OPCML: variants seen among roughly 807,000 people sequenced by gnomAD.
OPCML encodes the protein opioid binding protein/cell adhesion molecule like, also known as opioid-binding protein/cell adhesion molecule.
Under a neutral mutation model 37.8 loss-of-function variants are expected in OPCML, and 13 were observed. The ratio of observed to expected loss-of-function variants is 0.34; its 90% CI spans 0.22 to 0.55. OPCML has a LOEUF of 0.55. Ranked by LOEUF, OPCML falls within the 20% of genes least tolerant of loss-of-function variation. The pLI, the probability that OPCML is intolerant of heterozygous loss-of-function variation, is 0.91. For synonymous variants in OPCML, 176 were observed against 168.8 expected (o/e 1.04, Z -0.33); for missense variants, 341 against 435.6 (o/e 0.78, Z 1.93).
At chr11:133,136,828 CGTGTGTGTGTGTGTGTGTGTGTGTGTGT>C (rs141952561) in intron 1 of OPCML, among the ~76,000 whole-genome samples, 1 of 126,294 alleles carries the variant, frequency 7.9e-6, no homozygotes. Flanking sequence ...TCTATGTGCA[CGTGTGTGTGTGTGTGTGTGTGTGTGTGT>C]GTGTGTGTGT....
chr11:132,539,981 T>C (rs1295756862), intron 3 of OPCML, among the ~76,000 whole-genome samples: 1 of 152,054 alleles, frequency 6.6e-6, no homozygotes, highest in Non-Finnish European at 1.5e-5. Flanking sequence ...ATGATGATAA[T>C]GGCAAGTGAT....
chr11:132,879,899 C>A (rs1040975782), intron 2 of OPCML, among the ~76,000 whole-genome samples: 1 of 152,126 alleles, frequency 6.6e-6, no homozygotes, highest in African/African-American at 2.4e-5. Context: ...GTGACTTGGG[C>A]ATTTGGGCTA....
rs139229464 is a variant in OPCML at position 133,089,179 on chromosome 11, C to G, written c.62-146169G>C. 3.9e-3 allele frequency among the ~76,000 whole-genome samples: 591 copies of G among 152,210 alleles called. 3 individuals carry two copies. The highest frequency in any genetic ancestry group is 0.014 in the African/African-American group (566 of 41,530). ...AATAGTAAGTGAGCAGAACCAATTG[C>G]CTGTTCAGATCATAGCTACTATGTG... On this transcript the variant is annotated intron_variant, in intron 1 of 7. Transcript: ENST00000524381.
intron 2 of OPCML, among the ~76,000 whole-genome samples, chr11:132,696,627 GA>G: frequency 6.6e-6 from 1 of 152,256 alleles, no homozygotes; most frequent in African/African-American, 2.4e-5. Context: ...TAAAGCAGAG[GA>G]AATCTCTCAG....
chr11:133,040,552 G>C (rs1290126633), intron 1 of OPCML, among the ~76,000 whole-genome samples: 1 of 152,186 alleles, frequency 6.6e-6, no homozygotes, highest in Non-Finnish European at 1.5e-5. Flanking sequence ...AGGAGTGTTG[G>C]ATGTCTGAAA....
At chr11:133,216,384 T>G (rs1939588144) in intron 1 of OPCML, among the ~76,000 whole-genome samples, 1 of 152,180 alleles carries the variant, frequency 6.6e-6, no homozygotes, top group Non-Finnish European at 1.5e-5. Context: ...TATGAGCCCT[T>G]TGGATGGTAC....
At chr11:133,520,574 G>C (rs7108670) in intron 1 of OPCML, among the ~76,000 whole-genome samples, 53,976 of 152,012 alleles carry the variant, frequency 0.36, 13,876 homozygotes, top group African/African-American at 0.72. Flanking sequence ...CCCATGTGTA[G>C]AGAAATCAGT....
rs538476632 is a variant in OPCML at position 132,693,789 on chromosome 11, C to A, written c.147-36470G>T. On this transcript the variant is annotated intron_variant, in intron 2 of 7. Transcript: ENST00000524381. ...TTTGCTATAATTGGTTTTCATTTTC[C>A]TTTAGAAATTGAAATTCCTTTCTCT... Among the ~76,000 whole-genome samples, 8 of 152,168 alleles carry A rather than the reference C, an allele frequency of 5.3e-5. No individual in the cohort carries two copies. In the East Asian group the frequency reaches 1.5e-3, roughly 29 times the overall value.
At chr11:133,442,125 G>C (rs939286593) in intron 1 of OPCML, among the ~76,000 whole-genome samples, 2 of 152,174 alleles carry the variant, frequency 1.3e-5, no homozygotes, top group Non-Finnish European at 2.9e-5. Context: ...ACGTTGCCTA[G>C]AGAACCAAAA....
At chr11:133,504,080 G>A (rs997705276) in intron 1 of OPCML, among the ~76,000 whole-genome samples, 1 of 152,148 alleles carries the variant, frequency 6.6e-6, no homozygotes, top group African/African-American at 2.4e-5. Context: ...GCACTCTGCG[G>A]AGACTTGCTG....
At chr11:132,826,971 T>A (rs914014415) in intron 2 of OPCML, among the ~76,000 whole-genome samples, 2 of 152,184 alleles carry the variant, frequency 1.3e-5, no homozygotes, top group African/African-American at 4.8e-5. Flanking sequence ...TATAGAACAG[T>A]AAGTCTCCAA....
chr11:133,464,990 T>G (rs117224282), intron 1 of OPCML, among the ~76,000 whole-genome samples: 3,339 of 152,230 alleles, frequency 0.022, 58 homozygotes, highest in Non-Finnish European at 0.031. Context: ...GCTGGGACAC[T>G]AGAGTGAGCA....
intron 4 of OPCML, among the ~76,000 whole-genome samples, chr11:132,496,093 G>T (rs1346495306): frequency 6.6e-6 from 1 of 152,054 alleles, no homozygotes; most frequent in Non-Finnish European, 1.5e-5. Flanking sequence ...AACATGACCT[G>T]GAATAAAGAC....
At chr11:133,526,268 T>A (rs1434871189) in intron 1 of OPCML, among the ~76,000 whole-genome samples, 2 of 152,182 alleles carry the variant, frequency 1.3e-5, no homozygotes, top group Non-Finnish European at 2.9e-5. Flanking sequence ...CTGCCATGTG[T>A]GCCCACAGGG....
intron 1 of OPCML, among the ~76,000 whole-genome samples, chr11:133,255,066 C>T (rs1194953729): frequency 1.3e-5 from 2 of 151,974 alleles, no homozygotes; most frequent in East Asian, 3.8e-4. Context: ...AACCTAATAC[C>T]CACTAATTAG....
intron 3 of OPCML, among the ~76,000 whole-genome samples, chr11:132,590,168 G>A (rs1234356800): frequency 1.3e-5 from 2 of 151,940 alleles, no homozygotes; most frequent in Non-Finnish European, 2.9e-5. Flanking sequence ...TACATAAACT[G>A]CATATTCTTA....
At chr11:132,510,218 C>A (rs2096265953) in intron 4 of OPCML, among the ~76,000 whole-genome samples, 1 of 152,286 alleles carries the variant, frequency 6.6e-6, no homozygotes, top group East Asian at 1.9e-4. Context: ...TATATTTACC[C>A]AGTATCTGTA....
At chr11:132,874,164 A>G (rs1942920512) in intron 2 of OPCML, among the ~76,000 whole-genome samples, 1 of 152,142 alleles carries the variant, frequency 6.6e-6, no homozygotes, top group Non-Finnish European at 1.5e-5. Flanking sequence ...TTTTCTCCCC[A>G]TGACATTTTG....
chr11:133,187,114 T>C (rs958357213), intron 1 of OPCML, among the ~76,000 whole-genome samples: 1 of 152,160 alleles, frequency 6.6e-6, no homozygotes, highest in African/African-American at 2.4e-5. Context: ...CAGGATGCTC[T>C]ACTGAGAATA....
Sources: gnomAD v4.1 joint callset for allele counts (sites outside exome capture counted in the v4.1 genomes callset) on GRCh38, gnomAD v4.1.1 for gene constraint, MANE v1.5 for transcripts, NCBI Gene and HGNC (gene_info 2026-07-23, HGNC 2026-07-21) for gene names.